ZFYVE16: variants seen among roughly 807,000 people sequenced by gnomAD.
The protein encoded by ZFYVE16 is zinc finger FYVE domain-containing protein 16.
In ZFYVE16, 89 loss-of-function variants were observed where a neutral mutation model predicts 138.1. That is an observed-to-expected ratio of 0.64 (90% CI 0.54 to 0.77). ZFYVE16 has a LOEUF of 0.77. Ranked by LOEUF, ZFYVE16 falls within the 30% of genes least tolerant of loss-of-function variation. The probability of loss-of-function intolerance (pLI) is 0.00; values close to 1 mark genes in which losing one functional copy is unlikely to be tolerated. For missense variants in ZFYVE16, 1,793 were observed against 1,786.7 expected, an observed-to-expected ratio of 1.00 and a Z score of -0.06; for synonymous variants, 596 against 618.3, an observed-to-expected ratio of 0.96 and a Z score of 0.53.
chr5:80,464,030 G>A (rs1361750153), intron 15 of ZFYVE16, among the ~76,000 whole-genome samples: 1 of 152,140 alleles, frequency 6.6e-6, no homozygotes, highest in Non-Finnish European at 1.5e-5. Context: ...CAAGTCTCTA[G>A]GAAGTTTCAA....
intron 12 of ZFYVE16, 189 bp downstream of exon 12, chr5:80,455,963 ACTATCTCCTCATGT>A: frequency 3.7e-6 from 2 of 538,430 alleles, no homozygotes; most frequent in Non-Finnish European, 6.4e-6. Flanking sequence ...TTTAGAACGT[ACTATCTCCTCATGT>A]ACGTGTACCT....
intron 11 of ZFYVE16, chr5:80,454,104 C>A (rs1561306408): frequency 6.6e-6 from 1 of 152,132 alleles, no homozygotes; most frequent in Non-Finnish European, 1.5e-5. Context: ...AATCTAGACC[C>A]TCTGTCTTTC....
At position 80,448,063 on chromosome 5, in the gene ZFYVE16, T is replaced by C; in HGVS notation, c.2762T>C (p.Val921Ala). 1 of 1,612,744 alleles carries C rather than the reference T, an allele frequency of 6.2e-7. No homozygotes were observed. The highest frequency in any genetic ancestry group is 2.2e-5 in the East Asian group (1 of 44,818). The change falls in exon 8 of 19, where the codon GTG (valine) becomes GCG (alanine). Residue 921 changes from valine to alanine, a missense_variant. Coordinates refer to ENST00000505560, the MANE Select transcript of ZFYVE16 (RefSeq NM_001284236.3). ...GTGGATCATTCCCATTCTACTACAG[T>C]GGAAAAGCCAAACAATGAGACAGGA... ...NTVDHSHSTT[V>A]EKPNNETGDI...
At chr5:80,450,686 C>A in intron 10 of ZFYVE16, 100 bp downstream of exon 10, 1 of 1,173,838 alleles carries the variant, frequency 8.5e-7, no homozygotes, top group Non-Finnish European at 1.2e-6. Context: ...AGATTTATTT[C>A]TGTGAAGAGA....
At chr5:80,458,130 T>C (rs1275876270) in intron 14 of ZFYVE16, among the ~76,000 whole-genome samples, 1 of 152,144 alleles carries the variant, frequency 6.6e-6, no homozygotes, top group Non-Finnish European at 1.5e-5. Context: ...TTAATGTATA[T>C]GTTAAATAGA....
chr5:80,453,772 T>TA (rs1352416043), intron 11 of ZFYVE16, among the ~76,000 whole-genome samples: 9 of 152,190 alleles, frequency 5.9e-5, no homozygotes, highest in Non-Finnish European at 1.0e-4. Flanking sequence ...ATGTGAAAGT[T>TA]AAAGTCCCAA....
At chr5:80,473,710 A>C in intron 16 of ZFYVE16, 44 bp from the exon 17 acceptor site, 1 of 1,385,920 alleles carries the variant, frequency 7.2e-7, no homozygotes, top group Non-Finnish European at 9.9e-7. Flanking sequence ...TTTCAAAAAC[A>C]CATTGGTGCT....
chr5:80,443,603 A>T (rs1341054798), intron 6 of ZFYVE16, among the ~76,000 whole-genome samples: 1 of 152,222 alleles, frequency 6.6e-6, no homozygotes, highest in Non-Finnish European at 1.5e-5. Context: ...CCCTGGTCAC[A>T]GCACCATGAA....
chr5:80,423,604 C>T (rs1747551947), intron 1 of ZFYVE16, among the ~76,000 whole-genome samples: 1 of 151,790 alleles, frequency 6.6e-6, no homozygotes, highest in Admixed American at 6.6e-5. Context: ...GGCAAGATCT[C>T]AGCTCACTGC....
intron 1 of ZFYVE16, among the ~76,000 whole-genome samples, chr5:80,422,678 C>T (rs181841988): frequency 1.3e-3 from 202 of 152,264 alleles, no homozygotes; most frequent in African/African-American, 4.5e-3. Context: ...TGGTCTCAAA[C>T]TCCTGACCTT....
chr5:80,453,978 T>C (rs916566465), intron 11 of ZFYVE16: 32 of 152,336 alleles, frequency 2.1e-4, no homozygotes, highest in African/African-American at 7.2e-4. Flanking sequence ...TAAACAAAAC[T>C]ACCTCTTCAT....
rs952702904 is a variant in ZFYVE16 at position 80,448,054 on chromosome 5, C to T, written c.2753C>T (p.Ser918Phe). The T allele has an allele frequency of 5.6e-6, 9 of 1,611,146 alleles. No homozygotes were observed. The African/African-American group carries it at 8.0e-5, about 14-fold the overall frequency. Reference sequence around the variant, plus strand: ...GTAAACACAGTGGATCATTCCCATTCTACTACAGTGGAAAAGCCAAACAAT... The same window carrying T: ...GTAAACACAGTGGATCATTCCCATTTTACTACAGTGGAAAAGCCAAACAAT... ...MTVNTVDHSH[S>F]TTVEKPNNET... The change falls in exon 8 of 19, where the codon TCT (serine) becomes TTT (phenylalanine). Residue 918 changes from serine to phenylalanine, a missense_variant. By Grantham distance (155) the Ser-to-Phe change is radical. Around this residue, in one of 2 missense-constraint regions of ZFYVE16, gnomAD observed 1,295 missense variants for 1,204.3 expected, o/e 1.08. Transcript: ENST00000505560.
intron 2 of ZFYVE16, 126 bp from the exon 3 acceptor site, chr5:80,433,983 C>G (rs891387210): frequency 1.4e-5 from 9 of 627,996 alleles, no homozygotes; most frequent in Non-Finnish European, 2.4e-5. Context: ...TTGTATATTC[C>G]TTAAAGCAGC....
intron 7 of ZFYVE16, 24 bp from the exon 8 acceptor site, chr5:80,448,002 T>A (rs2251759): frequency 0.93 from 1,418,555 of 1,529,042 alleles, 660,269 homozygotes; most frequent in Non-Finnish European, 0.95. Flanking sequence ...TGATTTGTTA[T>A]TTTTTTTATT....
chr5:80,437,056 A>T lies in ZFYVE16; in HGVS notation c.371A>T (p.Lys124Ile). ...CCGTTATATATGGGACGATGTAGTA[A>T]ACCTATCTGTGATCTGATAAGTGAC... ...IQPLYMGRCS[K>I]PICDLISDMG... The change falls in exon 4 of 19, where the codon AAA (lysine) becomes ATA (isoleucine). Residue 124 changes from lysine to isoleucine, a missense_variant. Around this residue, in one of 2 missense-constraint regions of ZFYVE16, gnomAD observed 1,295 missense variants for 1,204.3 expected, o/e 1.08. Coordinates refer to ENST00000505560, the MANE Select transcript of ZFYVE16 (RefSeq NM_001284236.3). The T allele has an allele frequency of 6.2e-7, 1 of 1,614,182 alleles. No homozygotes were observed. Among genetic ancestry groups the T allele is most frequent in the African/African-American group, 1.3e-5 (1 of 75,068 alleles).
intron 15 of ZFYVE16, 124 bp from the exon 16 acceptor site, chr5:80,472,637 G>A: frequency 1.0e-6 from 1 of 999,412 alleles, no homozygotes; most frequent in Non-Finnish European, 1.4e-6. Context: ...CAACCATTAA[G>A]ATGATTAGCA....
chr5:80,447,289 A>G (rs7705790), intron 7 of ZFYVE16, among the ~76,000 whole-genome samples: 5,502 of 139,982 alleles, frequency 0.039, 161 homozygotes, highest in African/African-American at 0.092. Context: ...AAAAAAAAAA[A>G]AGAGAGAAAA....
intron 2 of ZFYVE16, among the ~76,000 whole-genome samples, chr5:80,431,054 T>C (rs1002683833): frequency 6.6e-6 from 1 of 152,010 alleles, no homozygotes; most frequent in South Asian, 2.1e-4. Context: ...TTCCAATCAA[T>C]AGAAAAAGAG....
Position 80,459,532 on chromosome 5 carries a change from T to G in ZFYVE16, c.4024+38T>G, listed in dbSNP as rs567866366. 3.2e-6 allele frequency: 5 copies of G among 1,545,814 alleles called. No individual in the cohort carries two copies. In the South Asian group the frequency reaches 5.9e-5, roughly 18 times the overall value. On this transcript the variant is annotated intron_variant, in intron 15 of 18. Coordinates refer to ENST00000505560, the MANE Select transcript of ZFYVE16 (RefSeq NM_001284236.3). ...TTTTTAATGGTGTTTTAATGTAGAG[T>G]TATTTTTCCTAACCTTTGAAAAATA...
Sources: gnomAD v4.1 joint callset for allele counts (sites outside exome capture counted in the v4.1 genomes callset) on GRCh38, gnomAD v4.1.1 for gene constraint, gnomAD v4.1.1 regional missense constraint, MANE v1.5 for transcripts, NCBI Gene and HGNC (gene_info 2026-07-23, HGNC 2026-07-21) for gene names.